Variants in HERC2 observed in about 807,000 individuals in gnomAD.
HERC2 encodes HECT and RLD domain containing E3 ubiquitin protein ligase 2.
In HERC2, 102 loss-of-function variants were observed where a neutral mutation model predicts 537.7. The observed-to-expected ratio is 0.19, with a 90% CI of 0.16 to 0.22. The LOEUF is 0.22. Among genes scored for constraint, HERC2 ranks in the 10% least tolerant of loss-of-function variants. The pLI is 1.00. For missense variants in HERC2, 4,236 were observed against 6,198.2 expected (o/e 0.68, Z 10.63); for synonymous variants, 2,224 against 2,466.2 (o/e 0.90, Z 2.91).
Position 28,233,652 on chromosome 15 carries a change from C to G in HERC2, c.4351+12G>C, listed in dbSNP as rs201523297. On this transcript the variant is annotated intron_variant, in intron 28 of 92. Transcript: ENST00000261609. ...CAGTGTACCTAAAGTACACAGATAT[C>G]GAGCTCCTTACCTAAATCTTCATGT... 35 of 1,613,722 alleles carry G rather than the reference C, an allele frequency of 2.2e-5. No individual in the cohort carries two copies. The highest frequency in any genetic ancestry group is 7.6e-6 in the Non-Finnish European group (9 of 1,179,794).
intron 4 of HERC2, among the ~76,000 whole-genome samples, chr15:28,286,930 C>CA (rs2076171800): frequency 6.6e-6 from 1 of 151,216 alleles, no homozygotes; most frequent in African/African-American, 2.4e-5. Context: ...GGAAACATTG[C>CA]AAAAAAAATG....
In HERC2 at chr15:28,177,448, G is replaced by C; in HGVS notation, c.9225C>G (p.Asp3075Glu). Residue 3075 changes from aspartate to glutamate, a missense_variant, in exon 60 of 93, where the codon GAC becomes GAG. By Grantham distance (45) the Asp-to-Glu change is conservative. Coordinates refer to ENST00000261609, the MANE Select transcript of HERC2 (RefSeq NM_004667.6). The surrounding 1 kb of genome is among the most constrained non-coding windows in gnomAD (Gnocchi z 5.0). The stretch of plus-strand genomic sequence containing the variant: ...TGCTGAAGTGTCCAAGTTTTCCATC[G>C]TCACCTTCGCCCCACGAAAACACTT... Reference protein sequence around the residue: ...DGKVFSWGEGDDGKLGHFSRM... With the variant: ...DGKVFSWGEGEDGKLGHFSRM... 6.2e-7 allele frequency: 1 copy of C among 1,614,130 alleles called. No individual in the cohort carries two copies. The highest frequency in any genetic ancestry group is 8.5e-7 in the Non-Finnish European group (1 of 1,180,034).
intron 10 of HERC2, 78 bp from the exon 11 acceptor site, chr15:28,269,514 C>T: frequency 1.7e-6 from 2 of 1,152,456 alleles, no homozygotes; most frequent in Non-Finnish European, 1.3e-6. Context: ...TGAGCTACTA[C>T]AAAATAAAAA....
intron 78 of HERC2, among the ~76,000 whole-genome samples, chr15:28,137,804 A>G (rs751154661): frequency 6.6e-6 from 1 of 152,228 alleles, no homozygotes; most frequent in African/African-American, 2.4e-5. Flanking sequence ...TTCTCACTTT[A>G]AGTCAAAAGC....
chr15:28,188,065 G>A (rs1896483947), intron 55 of HERC2, among the ~76,000 whole-genome samples: 1 of 151,988 alleles, frequency 6.6e-6, no homozygotes, highest in South Asian at 2.1e-4. Flanking sequence ...AAGCCAAGTT[G>A]AGAATATGAA....
rs1269556392 is a variant in HERC2 at position 28,220,513 on chromosome 15, C to T, written c.5784G>A (p.Leu1928=). The change falls in exon 37 of 93, where the codon CTG becomes CTA. Residue 1928 remains leucine (L), a synonymous_variant. Coordinates refer to ENST00000261609, the MANE Select transcript of HERC2 (RefSeq NM_004667.6). ...GCTGTGCAGCAGCCGGCAGCTCTGC[C>T]AGCTTGAGGTCGTATTTTCCTTCTT... The part of the protein sequence containing the change: ...MGKEGKYDLK[L]AELPAAAQPS... 1 of 1,603,076 alleles carries T rather than the reference C, an allele frequency of 6.2e-7. No individual in the cohort carries two copies. Among genetic ancestry groups the T allele is most frequent in the Non-Finnish European group, 8.5e-7 (1 of 1,179,824 alleles).
chr15:28,320,118 C>A (rs1485240614), intron 2 of HERC2: 1 of 151,786 alleles, frequency 6.6e-6, no homozygotes, highest in Non-Finnish European at 1.5e-5. Context: ...TCATCCACAA[C>A]AGCTTTTTTT....
chr15:28,174,373 A>G (rs778982235), intron 65 of HERC2, 22 bp downstream of exon 65: 11 of 1,530,872 alleles, frequency 7.2e-6, no homozygotes, highest in Non-Finnish European at 8.8e-6. Flanking sequence ...AAAATCTCAG[A>G]GAAGATACAA....
chr15:28,291,013 C>T (rs1490349086), intron 4 of HERC2, among the ~76,000 whole-genome samples: 1 of 152,124 alleles, frequency 6.6e-6, no homozygotes, highest in Non-Finnish European at 1.5e-5. Context: ...ATAAAACCAA[C>T]AACTGGTTCT....
chr15:28,310,413 C>G (rs573959529), intron 2 of HERC2, among the ~76,000 whole-genome samples: 1 of 151,984 alleles, frequency 6.6e-6, no homozygotes, highest in South Asian at 2.1e-4. Flanking sequence ...CCACTGTACT[C>G]CAGCCTGGGC....
chr15:28,115,121 G>A (rs994492519), intron 89 of HERC2, among the ~76,000 whole-genome samples: 3 of 151,864 alleles, frequency 2.0e-5, no homozygotes, highest in African/African-American at 7.3e-5. Flanking sequence ...GGCTGTGGTC[G>A]CCCCAGGACA....
intron 4 of HERC2, among the ~76,000 whole-genome samples, chr15:28,286,714 T>C (rs1172000008): frequency 6.6e-6 from 1 of 152,122 alleles, no homozygotes; most frequent in Admixed American, 6.5e-5. Context: ...AGAGAATCAT[T>C]AAGAATGATT....
chr15:28,178,395 T>G (rs1256559106), intron 59 of HERC2, among the ~76,000 whole-genome samples: 1 of 152,206 alleles, frequency 6.6e-6, no homozygotes, highest in Admixed American at 6.5e-5. Context: ...TGACCCCACC[T>G]CTGGACTTTT....
intron 2 of HERC2, among the ~76,000 whole-genome samples, chr15:28,300,371 G>C (rs1226635888): frequency 6.7e-6 from 1 of 149,052 alleles, no homozygotes; most frequent in Admixed American, 6.6e-5. Context: ...AGGGACTTTT[G>C]AACTACATAT....
intron 23 of HERC2, among the ~76,000 whole-genome samples, chr15:28,240,242 C>T (rs1372394536): frequency 6.6e-6 from 1 of 152,088 alleles, no homozygotes; most frequent in Non-Finnish European, 1.5e-5. Flanking sequence ...CACGGTGAAA[C>T]CCCATCTCTA....
intron 88 of HERC2, among the ~76,000 whole-genome samples, chr15:28,116,440 C>G (rs1031281982): frequency 1.3e-5 from 2 of 152,086 alleles, no homozygotes; most frequent in African/African-American, 4.8e-5. Context: ...TGGTCTCGAA[C>G]TCCTGACCTC....
chr15:28,115,586 G>A (rs763766557), intron 88 of HERC2, 45 bp from the exon 89 acceptor site: 5 of 1,445,674 alleles, frequency 3.5e-6, no homozygotes, highest in East Asian at 2.3e-5. Context: ...TCAAAAGGAT[G>A]ACAAAACTTC....
intron 17 of HERC2, 129 bp downstream of exon 17, chr15:28,256,932 G>A: frequency 1.3e-6 from 1 of 793,868 alleles, no homozygotes. Context: ...CATTATTAGT[G>A]CATTACAATC....
At position 28,176,905 on chromosome 15, in the gene HERC2, TC is replaced by T. The variant is rs1358377604; in HGVS notation, c.9432+44del. ...TGAAGCTTATTTTCTCTTGACATCT[TC>T]AGATGGTAAGCTTTCTGCAAGCAAC... On this transcript the variant is annotated intron_variant, in intron 61 of 92. Transcript: ENST00000261609. This position sits in a 1 kb window ranked among gnomAD's most constrained non-coding sequence, Gnocchi z 5.0. The T allele has an allele frequency of 6.3e-7, 1 of 1,594,824 alleles. No homozygotes were observed. Among genetic ancestry groups the T allele is most frequent in the African/African-American group, 1.3e-5 (1 of 74,418 alleles).
Sources: gnomAD v4.1 joint callset for allele counts (sites outside exome capture counted in the v4.1 genomes callset) on GRCh38, gnomAD v4.1.1 for gene constraint, Gnocchi (gnomAD v3.1) non-coding constraint, MANE v1.5 for transcripts, NCBI Gene and HGNC (gene_info 2026-07-23, HGNC 2026-07-21) for gene names.